Variants in CCDC141 observed in about 807,000 individuals in gnomAD.
CCDC141 encodes coiled-coil domain-containing protein 141.
Under a neutral mutation model 181.0 loss-of-function variants are expected in CCDC141, and 168 were observed. The ratio of observed to expected loss-of-function variants is 0.93; its 90% confidence interval spans 0.82 to 1.05. The LOEUF is 1.05. Ranked by LOEUF, CCDC141 falls within the 50% of genes least tolerant of loss-of-function variation. The pLI is 0.00. For synonymous variants in CCDC141, 666 were observed against 642.3 expected, an observed-to-expected ratio of 1.04 and a Z score of -0.56; for missense variants, 1,902 against 1,788.5, an observed-to-expected ratio of 1.06 and a Z score of -1.14.
intron 21 of CCDC141, among the ~76,000 whole-genome samples, chr2:178,847,199 T>G (rs955726590): frequency 3.9e-5 from 6 of 152,182 alleles, no homozygotes; most frequent in African/African-American, 7.2e-5. Flanking sequence ...GGGCATTTAC[T>G]ACAAATGCCA....
In CCDC141 at chr2:178,886,069, T is replaced by A. The variant is rs184290207; in HGVS notation, c.1527+683A>T. Among the ~76,000 whole-genome samples, 276 of 152,058 alleles carry A rather than the reference T, an allele frequency of 1.8e-3. 1 individual carries two copies. The highest frequency in any genetic ancestry group is 6.3e-3 in the African/African-American group (261 of 41,460). ...ATACCCAATTTAACAAAAAAATGGG[T>A]GTGTTTGTGAGTTTCCGGTGGGGAC... is the stretch of plus-strand genomic sequence containing the variant. On this transcript the variant is annotated intron_variant, in intron 10 of 23. Transcript: ENST00000443758.
chr2:178,882,954 C>T (rs951707968), intron 11 of CCDC141, among the ~76,000 whole-genome samples: 20 of 151,952 alleles, frequency 1.3e-4, no homozygotes, highest in African/African-American at 3.6e-4. Flanking sequence ...AAGTAATGTA[C>T]GGGGAGCATT....
At chr2:178,861,980 T>TAGCA (rs1318540891) in intron 17 of CCDC141, among the ~76,000 whole-genome samples, 2 of 152,226 alleles carry the variant, frequency 1.3e-5, no homozygotes, top group Non-Finnish European at 2.9e-5. Flanking sequence ...TGCCAGTGGG[T>TAGCA]AGCAGTCCAT....
At chr2:178,959,144 G>A (rs1208856018) in intron 5 of CCDC141, among the ~76,000 whole-genome samples, 3 of 151,840 alleles carry the variant, frequency 2.0e-5, no homozygotes, top group Non-Finnish European at 4.4e-5. Context: ...GGCCTGTTGT[G>A]GGGTGGGGGA....
Position 178,988,068 on chromosome 2 carries a change from C to G in CCDC141, c.226-9393G>C, listed in dbSNP as rs1304599561. Among the ~76,000 whole-genome samples the G allele has an allele frequency of 6.6e-5, 10 of 152,046 alleles. No homozygotes were observed. In the East Asian group the frequency reaches 1.9e-3, roughly 29 times the overall value. On this transcript the variant is annotated intron_variant, in intron 2 of 23. Coordinates refer to ENST00000443758, the MANE Select transcript of CCDC141 (RefSeq NM_173648.4). ...ACAATAGCAAAGACTTGGAACCAAC[C>G]CAGATGTCCAACAATGATAGACTGG...
chr2:178,944,580 A>G lies in CCDC141; in HGVS notation c.852T>C (p.Asn284=), dbSNP rs1194725274. ...CCTCTTGCTTATGAATTCGATCCTC[A>G]TTGTCTGAAAGTGATGAACCTAGAC... ...EQSLGSSLSD[N]EDRIHKQEEL... The change falls in exon 6 of 24, where the codon AAT becomes AAC. Residue 284 remains asparagine, a synonymous_variant. Transcript: ENST00000443758. The G allele has an allele frequency of 6.5e-7, 1 of 1,539,158 alleles. No homozygotes were observed. Among genetic ancestry groups the G allele is most frequent in the Non-Finnish European group, 8.8e-7 (1 of 1,141,158 alleles).
At chr2:179,018,842 T>A (rs2042618535) in intron 2 of CCDC141, among the ~76,000 whole-genome samples, 1 of 152,176 alleles carries the variant, frequency 6.6e-6, no homozygotes, top group South Asian at 2.1e-4. Flanking sequence ...TTAAATACAA[T>A]ATGAAGTTAG....
At chr2:179,031,496 T>A (rs2042999247) in intron 2 of CCDC141, among the ~76,000 whole-genome samples, 1 of 152,056 alleles carries the variant, frequency 6.6e-6, no homozygotes, top group African/African-American at 2.4e-5. Context: ...TTTCTGCTTT[T>A]ATCTTCATTT....
At chr2:178,889,224 G>A (rs1161456222) in intron 8 of CCDC141, among the ~76,000 whole-genome samples, 3 of 151,118 alleles carry the variant, frequency 2.0e-5, no homozygotes, top group Admixed American at 2.0e-4. Context: ...AAAAAAAGAA[G>A]CCATGCCTCA....
intron 2 of CCDC141, among the ~76,000 whole-genome samples, chr2:179,022,246 A>G (rs1408261204): frequency 6.6e-6 from 1 of 152,184 alleles, no homozygotes; most frequent in Non-Finnish European, 1.5e-5. Flanking sequence ...GAAGCTTATC[A>G]AGAATACCAT....
chr2:178,850,111 C>G lies in CCDC141; in HGVS notation c.3295G>C (p.Glu1099Gln). The change falls in exon 21 of 24, where the codon GAG (glutamate) becomes CAG (glutamine). Residue 1099 changes from glutamate (E) to glutamine (Q), a missense_variant. Coordinates refer to ENST00000443758, the MANE Select transcript of CCDC141 (RefSeq NM_173648.4). Reference sequence around the variant, plus strand: ...AATTCAGTCACAGATTCAAGAACCTCTTTGTGTTTTGTCACTATTTTCTCA... The same window carrying G: ...AATTCAGTCACAGATTCAAGAACCTGTTTGTGTTTTGTCACTATTTTCTCA... ...YIEKIVTKHK[E>Q]VLESVTELCE... is the part of the protein sequence containing the mutation. 6.2e-7 allele frequency: 1 copy of G among 1,612,024 alleles called. No individual in the cohort carries two copies. The highest frequency in any genetic ancestry group is 8.5e-7 in the Non-Finnish European group (1 of 1,178,716).
intron 17 of CCDC141, among the ~76,000 whole-genome samples, chr2:178,858,298 T>C (rs904087850): frequency 4.6e-5 from 7 of 152,286 alleles, no homozygotes; most frequent in South Asian, 4.1e-4. Context: ...TCTACGGCAC[T>C]CAATGTTTTA....
chr2:179,006,899 T>C (rs1338666010), intron 2 of CCDC141, among the ~76,000 whole-genome samples: 4 of 152,170 alleles, frequency 2.6e-5, no homozygotes, highest in African/African-American at 9.7e-5. Flanking sequence ...AATAACACTT[T>C]TCTTCTCTCT....
chr2:178,942,789 TC>T (rs2154377070), intron 6 of CCDC141, among the ~76,000 whole-genome samples: 2 of 152,314 alleles, frequency 1.3e-5, no homozygotes, highest in African/African-American at 4.8e-5. Context: ...CTTTATGCCT[TC>T]CTCTCAATTT....
In CCDC141 at chr2:179,047,188, G is replaced by A. The variant is rs1389656727; in HGVS notation, c.225+96C>T. 4 of 1,093,810 alleles carry A rather than the reference G, an allele frequency of 3.7e-6. No homozygotes were observed. In the East Asian group the frequency reaches 1.1e-4, roughly 31 times the overall value. 67.8% of individuals were successfully genotyped at this position (1,093,810 alleles called of 1,614,324 possible). A position where few individuals can be genotyped will look rare whatever the true frequency, so the allele number is the denominator to read the frequency against. ...ATCTACCTGGTACCATATTAAAGTG[G>A]CCCTAGGCCAGTAACAGCAGAGGAA... is the stretch of plus-strand genomic sequence containing the variant. On this transcript the variant is annotated intron_variant, in intron 2 of 23. Coordinates refer to ENST00000443758, the MANE Select transcript of CCDC141 (RefSeq NM_173648.4).
intron 2 of CCDC141, among the ~76,000 whole-genome samples, chr2:179,003,028 T>G (rs2042027619): frequency 6.6e-6 from 1 of 152,180 alleles, no homozygotes. Context: ...ATTGAGTCAA[T>G]CCGGAAAATG....
At chr2:179,010,194 A>C (rs1428957445) in intron 2 of CCDC141, among the ~76,000 whole-genome samples, 1 of 152,160 alleles carries the variant, frequency 6.6e-6, no homozygotes, top group Non-Finnish European at 1.5e-5. Flanking sequence ...TTCCTGAGGA[A>C]GAAGAAAATT....
chr2:178,917,767 A>C (rs1425651586), intron 7 of CCDC141, among the ~76,000 whole-genome samples: 1 of 152,200 alleles, frequency 6.6e-6, no homozygotes, highest in Non-Finnish European at 1.5e-5. Context: ...TGCTGCAATC[A>C]ATGTCCAATG....
At chr2:178,978,428 G>T in intron 3 of CCDC141, 56 bp downstream of exon 3, 1 of 1,095,462 alleles carries the variant, frequency 9.1e-7, no homozygotes, top group Non-Finnish European at 1.2e-6. Flanking sequence ...ACATTTTCAG[G>T]AGTGCTATTC....
Sources: gnomAD v4.1 joint callset for allele counts (sites outside exome capture counted in the v4.1 genomes callset) on GRCh38, gnomAD v4.1.1 for gene constraint, MANE v1.5 for transcripts, NCBI Gene and HGNC (gene_info 2026-07-23, HGNC 2026-07-21) for gene names.